Variants in RAD50 observed in about 807,000 individuals in gnomAD.
RAD50 encodes the protein DNA repair protein RAD50.
In RAD50, 132 loss-of-function variants were observed where a neutral mutation model predicts 168.8. The ratio of observed to expected loss-of-function variants is 0.78; its 90% CI spans 0.68 to 0.90. The LOEUF (loss-of-function observed/expected upper bound fraction) is 0.90. RAD50 is among the 40% of genes least tolerant of loss of function. RAD50 has a pLI of 0.00. For synonymous variants in RAD50, 525 were observed against 497.4 expected (o/e 1.06, Z -0.74); for missense variants, 1,347 against 1,534.4 (o/e 0.88, Z 2.04).
At chr5:132,629,756 AG>A (rs1302160145) in intron 21 of RAD50, among the ~76,000 whole-genome samples, 1 of 152,216 alleles carries the variant, frequency 6.6e-6, no homozygotes, top group African/African-American at 2.4e-5. Flanking sequence ...TGTCTATTTA[AG>A]GTAACACAGG....
At chr5:132,617,562 C>A (rs1360286692) in intron 20 of RAD50, among the ~76,000 whole-genome samples, 3 of 152,130 alleles carry the variant, frequency 2.0e-5, no homozygotes, top group African/African-American at 7.2e-5. Flanking sequence ...ATGGTTTTTA[C>A]ACTTGTGCAA....
chr5:132,606,152 A>G (rs142676527), intron 16 of RAD50, among the ~76,000 whole-genome samples: 2,976 of 152,258 alleles, frequency 0.02, 76 homozygotes, highest in African/African-American at 0.061. Flanking sequence ...AAGGAGATAC[A>G]CGAAAAACCC....
intron 21 of RAD50, among the ~76,000 whole-genome samples, chr5:132,620,238 C>T (rs767829406): frequency 7.9e-5 from 12 of 152,098 alleles, no homozygotes; most frequent in Non-Finnish European, 1.3e-4. Flanking sequence ...TAAATTTTGC[C>T]TTTCACATGT....
intron 1 of RAD50, among the ~76,000 whole-genome samples, chr5:132,558,205 T>C (rs1750046121): frequency 1.3e-5 from 2 of 152,178 alleles, no homozygotes; most frequent in Non-Finnish European, 2.9e-5. Context: ...TTGTTTACTT[T>C]TGTTTTTGTA....
intron 5 of RAD50, 152 bp downstream of exon 5, chr5:132,580,218 TA>T: frequency 1.5e-6 from 1 of 655,426 alleles, no homozygotes; most frequent in Non-Finnish European, 2.6e-6. Flanking sequence ...ACTTAAAATC[TA>T]CTCTCTTAGC....
At chr5:132,561,619 A>G (rs1750126012) in intron 2 of RAD50, among the ~76,000 whole-genome samples, 1 of 152,176 alleles carries the variant, frequency 6.6e-6, no homozygotes, top group South Asian at 2.1e-4. Context: ...GCTGGTAACT[A>G]CCACATTTAT....
Position 132,588,649 on chromosome 5 carries a change from C to G in RAD50, c.1052-38C>G, listed in dbSNP as rs104895045. The G allele has an allele frequency of 3.2e-6, 5 of 1,573,610 alleles. No homozygotes were observed. In the African/African-American group the frequency reaches 6.8e-5, roughly 21 times the overall value. ...GCAGCTATCTCAACTTTTTAAGCAC[C>G]AGTTGAAAAAAAAATTATGAGATTT... On this transcript the variant is annotated intron_variant, in intron 7 of 24. Transcript: ENST00000378823.
chr5:132,609,179 T>C lies in RAD50; in HGVS notation c.2892T>C (p.Tyr964=), dbSNP rs780942620. 1.9e-6 allele frequency: 3 copies of C among 1,611,810 alleles called. No individual in the cohort carries two copies. Among genetic ancestry groups the C allele is most frequent in the South Asian group, 2.2e-5 (2 of 90,418 alleles). ...IHGYMKDIEN[Y]IQDGKDDYKK... is the part of the protein sequence containing the mutation. The stretch of plus-strand genomic sequence containing the variant: ...GCTATATGAAAGACATTGAGAATTA[T>C]ATTCAAGATGGGAAAGACGACTATA... The change falls in exon 18 of 25, where the codon TAT becomes TAC. Residue 964 remains tyrosine (Y), a synonymous_variant. Coordinates refer to ENST00000378823, the MANE Select transcript of RAD50 (RefSeq NM_005732.4).
chr5:132,594,866 T>C lies in RAD50; in HGVS notation c.1794-3T>C. 1 of 1,598,610 alleles carries C rather than the reference T, an allele frequency of 6.3e-7. No individual in the cohort carries two copies. The highest frequency in any genetic ancestry group is 1.1e-5 in the South Asian group (1 of 90,508). On this transcript the variant is annotated splice_polypyrimidine_tract_variant and splice_region_variant and intron_variant, in intron 11 of 24. Coordinates refer to ENST00000378823, the MANE Select transcript of RAD50 (RefSeq NM_005732.4). ...TGAAAATCCATATTTGCTCTTATTT[T>C]AGCAAGGAACTAGCTTCATCTGAGC...
chr5:132,588,945 T>C (rs1750648108), intron 8 of RAD50, 65 bp downstream of exon 8: 2 of 1,508,458 alleles, frequency 1.3e-6, no homozygotes, highest in Non-Finnish European at 1.8e-6. Context: ...TGAATTGTTT[T>C]AATTTTTGGT....
chr5:132,644,222 A>C lies in RAD50; in HGVS notation c.*1858A>C, dbSNP rs1176085576. 1 of 176,088 alleles carries C rather than the reference A, an allele frequency of 5.7e-6. No individual in the cohort carries two copies. Among genetic ancestry groups the C allele is most frequent in the African/African-American group, 2.4e-5 (1 of 42,258 alleles). The allele number at this position is 176,088 out of a possible 1,614,324, so 10.9% of individuals were successfully genotyped here. ...TCTGGTTTCCCCCTGAATATGTGGC[A>C]TCCTTGGCAGCACTTCTGAGAGTGG... On this transcript the variant is annotated 3_prime_UTR_variant, in exon 25 of 25. Coordinates refer to ENST00000378823, the MANE Select transcript of RAD50 (RefSeq NM_005732.4).
intron 13 of RAD50, chr5:132,600,137 A>G (rs1267125844): frequency 6.6e-6 from 1 of 152,244 alleles, no homozygotes; most frequent in East Asian, 1.9e-4. Flanking sequence ...ACTGGAGTGC[A>G]GGTAATACAG....
In RAD50 at chr5:132,640,792, C is replaced by A. The variant is rs2149865848; in HGVS notation, c.3739C>A (p.His1247Asn). Reference protein sequence around the residue: ...LDRENIESLAHALVEIIKSRS... With the variant: ...LDRENIESLANALVEIIKSRS... ...CCGAGAAAACATTGAATCTCTTGCA[C>A]ATGCTCTGGTTGAGTAAGTATCTCT... The change falls in exon 24 of 25, where the codon CAT becomes AAT. Residue 1247 changes from histidine to asparagine, a missense_variant. Physicochemically the swap from His to Asn is moderately conservative, Grantham distance 68. Around this residue, in one of 3 missense-constraint regions of RAD50, gnomAD observed 635 missense variants for 739.2 expected, o/e 0.86. Coordinates refer to ENST00000378823, the MANE Select transcript of RAD50 (RefSeq NM_005732.4). The A allele has an allele frequency of 6.2e-7, 1 of 1,613,238 alleles. No homozygotes were observed.
chr5:132,632,057 T>C (rs1208036142), intron 21 of RAD50, among the ~76,000 whole-genome samples: 1 of 152,238 alleles, frequency 6.6e-6, no homozygotes, highest in Non-Finnish European at 1.5e-5. Flanking sequence ...CTTCCATACC[T>C]GGGCTTTCCC....
intron 9 of RAD50, 21 bp from the exon 10 acceptor site, chr5:132,591,203 T>C (rs1488122782): frequency 6.3e-7 from 1 of 1,585,946 alleles, no homozygotes; most frequent in Admixed American, 1.7e-5. Flanking sequence ...CACCTTTGCA[T>C]TTGTATGAAT....
At chr5:132,587,219 TA>T (rs935852331) in intron 5 of RAD50, among the ~76,000 whole-genome samples, 1 of 152,198 alleles carries the variant, frequency 6.6e-6, no homozygotes, top group African/African-American at 2.4e-5. Context: ...AGTCCTGACT[TA>T]AAAAAATACA....
chr5:132,579,581 G>GA (rs747440505), intron 4 of RAD50, 79 bp downstream of exon 4: 57 of 1,457,348 alleles, frequency 3.9e-5, no homozygotes, highest in Non-Finnish European at 5.1e-5. Context: ...CTTTTTAACA[G>GA]AAAAAATTTA....
intron 13 of RAD50, among the ~76,000 whole-genome samples, chr5:132,599,708 C>G (rs1750853086): frequency 6.6e-6 from 1 of 152,006 alleles, no homozygotes; most frequent in Non-Finnish European, 1.5e-5. Flanking sequence ...CAGGCATAAG[C>G]CACCATGCCC....
At position 132,589,958 on chromosome 5, in the gene RAD50, A is replaced by G. The variant is rs1047542625; in HGVS notation, c.1452+121A>G. ...AAAACATCAACTTTGTCTTATTCTC[A>G]TGTAAAATGAATTCATCTGAATATC... is the stretch of plus-strand genomic sequence containing the variant. On this transcript the variant is annotated intron_variant, in intron 9 of 24. Transcript: ENST00000378823. 1.1e-5 allele frequency: 10 copies of G among 929,478 alleles called. No individual in the cohort carries two copies. The South Asian group carries it at 1.7e-4, about 16-fold the overall frequency. 57.6% of individuals were successfully genotyped at this position (929,478 alleles called of 1,614,324 possible).
Sources: allele counts gnomAD v4.1 joint callset (sites outside exome capture counted in the v4.1 genomes callset), GRCh38; gene constraint gnomAD v4.1.1; regional missense constraint gnomAD v4.1.1; transcripts MANE v1.5; gene names NCBI Gene and HGNC (gene_info 2026-07-23, HGNC 2026-07-21).